The following FAM20C variants were observed in gnomAD, a reference collection of about 807,000 sequenced individuals.
FAM20C encodes the protein extracellular serine/threonine protein kinase FAM20C.
A neutral mutation model predicts 51.5 loss-of-function variants in FAM20C; 40 were observed. The observed-to-expected ratio is 0.78, with a 90% CI of 0.60 to 1.01. The LOEUF (loss-of-function observed/expected upper bound fraction) is 1.01. Ranked by LOEUF, FAM20C falls within the 50% of genes least tolerant of loss-of-function variation. FAM20C has a pLI of 0.00. For synonymous variants in FAM20C, 406 were observed against 380.6 expected (o/e 1.07, Z -0.78); for missense variants, 861 against 844.7 (o/e 1.02, Z -0.24).
In FAM20C at chr7:210,862, C is replaced by T. The variant is rs1323204014; in HGVS notation, c.863+1886C>T. 6.6e-5 allele frequency among the ~76,000 whole-genome samples: 10 copies of T among 152,206 alleles called. No homozygotes were observed. The East Asian group carries it at 1.9e-3, about 29-fold the overall frequency. On this transcript the variant is annotated intron_variant, in intron 3 of 9. Transcript: ENST00000313766. ...GACATTTACCGAGCCGCTGCTCTAA[C>T]CCAGGCCCTGCGGGAACCGGCGTCT...
At chr7:202,604 A>G (rs1235130344) in intron 2 of FAM20C, among the ~76,000 whole-genome samples, 2 of 134,130 alleles carry the variant, frequency 1.5e-5, no homozygotes, top group East Asian at 2.3e-4. Context: ...GGGGGGCCCT[A>G]TGGATATCTT....
chr7:246,527 C>T lies in FAM20C; in HGVS notation c.956+20C>T, dbSNP rs1401295128. The T allele has an allele frequency of 5.9e-6, 9 of 1,519,478 alleles. No homozygotes were observed. The Admixed American group carries it at 1.8e-4, about 30-fold the overall frequency. 94.1% of individuals were successfully genotyped at this position (1,519,478 alleles called of 1,614,324 possible). A position where few individuals can be genotyped will look rare whatever the true frequency, so the allele number is the denominator to read the frequency against. On this transcript the variant is annotated intron_variant, in intron 4 of 9. Coordinates refer to ENST00000313766, the MANE Select transcript of FAM20C (RefSeq NM_020223.4). Reference sequence around the variant, plus strand: ...GGACAGGTGAGCCCTTCCTTCCTCCCTCCATCCGCGCTCCCGTGCGCTCAG... The same window carrying T: ...GGACAGGTGAGCCCTTCCTTCCTCCTTCCATCCGCGCTCCCGTGCGCTCAG...
At chr7:229,341 G>A (rs1787571278) in intron 3 of FAM20C, 1 of 180,236 alleles carries the variant, frequency 5.5e-6, no homozygotes, top group South Asian at 1.2e-4. Context: ...GGTCCTTCCT[G>A]GGCCCTGTGC....
At chr7:258,071 G>C (rs868657855) in intron 8 of FAM20C, among the ~76,000 whole-genome samples, 1 of 123,884 alleles carries the variant, frequency 8.1e-6, no homozygotes, top group Non-Finnish European at 1.8e-5. Context: ...CCCACTGCCT[G>C]GGGTGCTGGA....
chr7:256,569 A>G, intron 6 of FAM20C, 85 bp from the exon 7 acceptor site: 2 of 1,106,640 alleles, frequency 1.8e-6, no homozygotes, highest in East Asian at 2.6e-5. Context: ...TCCCTGCCGC[A>G]GTGTTTCTCT....
chr7:220,573 C>G (rs1787216452), intron 3 of FAM20C, among the ~76,000 whole-genome samples: 3 of 152,214 alleles, frequency 2.0e-5, no homozygotes. Context: ...TAAGCATGAC[C>G]TCTGTGTAGG....
rs73040765 is a variant in FAM20C at position 197,487 on chromosome 7, C to T, written c.784+1755C>T. ...ACGCAAGTTAGAAAGTCCCCAGTGC[C>T]GCTGTCCGTATGAGCTTCTCTCCAG... On this transcript the variant is annotated intron_variant, in intron 2 of 9. Coordinates refer to ENST00000313766, the MANE Select transcript of FAM20C (RefSeq NM_020223.4). 871 of 167,118 alleles carry T rather than the reference C, an allele frequency of 5.2e-3. 4 individuals carry two copies. The highest frequency in any genetic ancestry group is 0.01 in the Middle Eastern group (3 of 296). 10.4% of individuals were successfully genotyped at this position (167,118 alleles called of 1,614,324 possible).
At chr7:211,402 A>C (rs1385690924) in intron 3 of FAM20C, among the ~76,000 whole-genome samples, 8 of 70,984 alleles carry the variant, frequency 1.1e-4, no homozygotes, top group South Asian at 4.2e-4. Context: ...CTTCCACCTC[A>C]CCTCCTCCAC....
intron 5 of FAM20C, among the ~76,000 whole-genome samples, chr7:250,988 G>A (rs989309534): frequency 5.9e-5 from 9 of 152,200 alleles, no homozygotes; most frequent in African/African-American, 1.7e-4. Flanking sequence ...TGAAAGAGAC[G>A]GTCACAGGGT....
chr7:217,730 T>G (rs1787066211), intron 3 of FAM20C, among the ~76,000 whole-genome samples: 1 of 152,110 alleles, frequency 6.6e-6, no homozygotes. Flanking sequence ...AGATGCAATA[T>G]TAATAAGAAA....
At chr7:196,410 A>T (rs1785874669) in intron 2 of FAM20C, among the ~76,000 whole-genome samples, 1 of 152,206 alleles carries the variant, frequency 6.6e-6, no homozygotes, top group South Asian at 2.1e-4. Flanking sequence ...CATTGTTCTC[A>T]GCTTGTAGGC....
chr7:233,633 C>T lies in FAM20C; in HGVS notation c.864-12782C>T, dbSNP rs1002588463. 4.7e-3 allele frequency among the ~76,000 whole-genome samples: 723 copies of T among 152,246 alleles called. 6 individuals are homozygous for T. The highest frequency in any genetic ancestry group is 0.017 in the African/African-American group (691 of 41,520). On this transcript the variant is annotated intron_variant, in intron 3 of 9. Coordinates refer to ENST00000313766, the MANE Select transcript of FAM20C (RefSeq NM_020223.4). ...TCCCTCCTCCATCCTGAGAGCCGGC[C>T]GCGCAGCGTCTTCTGAAGTCAGGTC...
chr7:258,663 A>G lies in FAM20C; in HGVS notation c.1463A>G (p.His488Arg). 6.5e-7 allele frequency: 1 copy of G among 1,536,740 alleles called. No individual in the cohort carries two copies. Among genetic ancestry groups the G allele is most frequent in the Non-Finnish European group, 8.7e-7 (1 of 1,146,550 alleles). Residue 488 changes from histidine (H) to arginine (R), a missense_variant, in exon 9 of 10, where the codon CAC becomes CGC. His to Arg is a conservative substitution (Grantham distance 29). Coordinates refer to ENST00000313766, the MANE Select transcript of FAM20C (RefSeq NM_020223.4). ...TCTGGAAGGTTTGGGAAGTATTCGC[A>G]CGACGAGCTCTCCATCCTGGTGCCG... Reference protein sequence around the residue: ...DNGRGFGKYSHDELSILVPLQ... With the variant: ...DNGRGFGKYSRDELSILVPLQ...
In FAM20C at chr7:193,129, C is replaced by T; in HGVS notation, c.-71C>T. 7.5e-7 allele frequency: 1 copy of T among 1,334,444 alleles called. No individual in the cohort carries two copies. Among genetic ancestry groups the T allele is most frequent in the Non-Finnish European group, 9.7e-7 (1 of 1,026,932 alleles). 82.7% of individuals were successfully genotyped at this position (1,334,444 alleles called of 1,614,324 possible). On this transcript the variant is annotated 5_prime_UTR_variant, in exon 1 of 10. Coordinates refer to ENST00000313766, the MANE Select transcript of FAM20C (RefSeq NM_020223.4). The stretch of plus-strand genomic sequence containing the variant: ...CCTTGACCCGCGAGGCGGCGCCGCG[C>T]TCGTGCCCAGCTGCAGCTAGAGGGG...
intron 1 of FAM20C, 115 bp from the exon 2 acceptor site, chr7:195,439 T>A (rs1296342569): frequency 9.5e-7 from 1 of 1,055,966 alleles, no homozygotes; most frequent in Non-Finnish European, 1.3e-6. Flanking sequence ...CTTCAACACA[T>A]CTGCACTTGC....
intron 3 of FAM20C, among the ~76,000 whole-genome samples, chr7:245,701 G>A (rs547373277): frequency 2.2e-4 from 33 of 152,342 alleles, no homozygotes; most frequent in African/African-American, 7.9e-4. Context: ...TGCGTGGACC[G>A]GCACCTCACA....
At position 193,340 on chromosome 7, in the gene FAM20C, G is replaced by C. The variant is rs1479618083; in HGVS notation, c.141G>C (p.Ser47=). The C allele has an allele frequency of 1.5e-6, 2 of 1,326,852 alleles. No homozygotes were observed. Among genetic ancestry groups the C allele is most frequent in the African/African-American group, 1.6e-5 (1 of 64,498 alleles). The allele number at this position is 1,326,852 out of a possible 1,614,324, so 82.2% of individuals were successfully genotyped here. The change falls in exon 1 of 10, where the codon TCG becomes TCC. Residue 47 remains serine (S), a synonymous_variant. Transcript: ENST00000313766. ...GARPSGEPGC[S]CAQPAAEVAA... ...GGCCCTCGGGGGAGCCCGGCTGTTC[G>C]TGCGCGCAGCCCGCCGCCGAGGTGG... is the stretch of plus-strand genomic sequence containing the variant.
intron 3 of FAM20C, among the ~76,000 whole-genome samples, chr7:222,199 G>C (rs1035335671): frequency 9.2e-5 from 14 of 152,182 alleles, no homozygotes; most frequent in African/African-American, 2.9e-4. Context: ...GTCCAGGGCA[G>C]CTGTGCTGTT....
chr7:224,052 ATTG>A (rs1562380896), intron 3 of FAM20C, among the ~76,000 whole-genome samples: 20 of 142,930 alleles, frequency 1.4e-4, no homozygotes, highest in African/African-American at 4.2e-4. Flanking sequence ...GCCTTCTCTC[ATTG>A]CGCAGAATGG....
Sources: gnomAD v4.1 joint callset for allele counts (sites outside exome capture counted in the v4.1 genomes callset) on GRCh38, gnomAD v4.1.1 for gene constraint, MANE v1.5 for transcripts, NCBI Gene and HGNC (gene_info 2026-07-23, HGNC 2026-07-21) for gene names.